The following AZIN2 variants were observed in gnomAD, a reference collection of about 807,000 sequenced individuals.
AZIN2 encodes the protein ODC antizyme inhibitor-2.
Under a neutral mutation model 47.8 loss-of-function variants are expected in AZIN2, and 28 were observed. The observed-to-expected ratio is 0.59, with a 90% CI of 0.43 to 0.80. The LOEUF (loss-of-function observed/expected upper bound fraction) is 0.80. Among genes scored for constraint, AZIN2 ranks in the 30% least tolerant of loss-of-function variants. The probability of loss-of-function intolerance (pLI) is 0.00; values close to 1 mark genes in which losing one functional copy is unlikely to be tolerated. For synonymous variants in AZIN2, 221 were observed against 239.4 expected (o/e 0.92, Z 0.71); for missense variants, 535 against 582.5 (o/e 0.92, Z 0.84).
At chr1:33,156,221 T>C in the AZIN2 span, among the ~76,000 whole-genome samples, 1 of 152,220 alleles carries the variant, frequency 6.6e-6, no homozygotes, top group Non-Finnish European at 1.5e-5. Flanking sequence ...CTCACAGATA[T>C]GCTGTATTTC....
intron 5 of AZIN2, among the ~76,000 whole-genome samples, chr1:33,090,206 G>C (rs1444393986): frequency 2.0e-5 from 3 of 152,228 alleles, no homozygotes; most frequent in African/African-American, 7.2e-5. Context: ...GAGAAGTTGT[G>C]ACAGAGACTG....
the AZIN2 span, among the ~76,000 whole-genome samples, chr1:33,144,252 C>T: frequency 2.0e-5 from 3 of 152,052 alleles, no homozygotes; most frequent in Admixed American, 2.0e-4. Flanking sequence ...ATTCTCCTGC[C>T]TCAGCCTCCC....
intron 4 of AZIN2, chr1:33,083,722 T>A: frequency 1.8e-6 from 1 of 569,202 alleles, no homozygotes; most frequent in Middle Eastern, 4.8e-4. Context: ...AGCCTACAGC[T>A]GGAGTTTTAG....
chr1:33,127,370 C>T (rs1359889164), downstream of AZIN2, among the ~76,000 whole-genome samples: 2 of 152,248 alleles, frequency 1.3e-5, no homozygotes, highest in African/African-American at 4.8e-5. Flanking sequence ...CGCCCTCTGG[C>T]GGCTGGGAGG....
At chr1:33,114,514 C>T (rs1199454082) in intron 10 of AZIN2, among the ~76,000 whole-genome samples, 5 of 151,034 alleles carry the variant, frequency 3.3e-5, no homozygotes, top group Admixed American at 6.6e-5. Context: ...CCACCATGCC[C>T]GGCTAATTTT....
At chr1:33,151,321 C>T in the AZIN2 span, among the ~76,000 whole-genome samples, 126 of 152,164 alleles carry the variant, frequency 8.3e-4, 2 homozygotes, top group African/African-American at 2.7e-3. Flanking sequence ...CTCTCTTAGG[C>T]GGGGGTGTGG....
chr1:33,125,538 C>G (rs1453803389), downstream of AZIN2, among the ~76,000 whole-genome samples: 4 of 152,204 alleles, frequency 2.6e-5, no homozygotes, highest in African/African-American at 9.6e-5. Context: ...ATCTTAAAGG[C>G]CTCGGCTTGA....
chr1:33,107,087 G>C (rs1644041819), intron 10 of AZIN2, among the ~76,000 whole-genome samples: 1 of 151,934 alleles, frequency 6.6e-6, no homozygotes, highest in Admixed American at 6.6e-5. Flanking sequence ...AGGAGTTCAA[G>C]ACCACCCTGG....
chr1:33,159,311 A>G, the AZIN2 span, among the ~76,000 whole-genome samples: 4 of 152,100 alleles, frequency 2.6e-5, no homozygotes, highest in African/African-American at 9.7e-5. This position sits in a 1 kb window ranked among gnomAD's most constrained non-coding sequence, Gnocchi z 4.2. Context: ...TGTAAACACT[A>G]TTAAATGCTA....
At chr1:33,109,495 G>T (rs1393646630) in intron 10 of AZIN2, among the ~76,000 whole-genome samples, 1 of 151,522 alleles carries the variant, frequency 6.6e-6, no homozygotes, top group African/African-American at 2.4e-5. Flanking sequence ...AGCCTGGCTA[G>T]TTTTTGTATT....
intron 10 of AZIN2, among the ~76,000 whole-genome samples, chr1:33,107,060 G>A (rs1644040228): frequency 1.3e-5 from 2 of 152,142 alleles, no homozygotes. Flanking sequence ...GCCAAGGCTG[G>A]TGGATCACTT....
intron 10 of AZIN2, among the ~76,000 whole-genome samples, chr1:33,104,239 T>C (rs1395974613): frequency 6.6e-6 from 1 of 152,214 alleles, no homozygotes; most frequent in Non-Finnish European, 1.5e-5. Context: ...TTTTTGTTTA[T>C]TGTTTTATTT....
At chr1:33,083,923 G>T in intron 4 of AZIN2, 31 bp from the exon 5 acceptor site, 2 of 1,612,756 alleles carry the variant, frequency 1.2e-6, no homozygotes, top group Non-Finnish European at 8.5e-7. Flanking sequence ...GCTGGATGGG[G>T]TCTCACATTC....
chr1:33,146,815 C>T, the AZIN2 span: 1 of 307,080 alleles, frequency 3.3e-6, no homozygotes, highest in East Asian at 7.4e-5. Context: ...AACTACTGGC[C>T]ATGCTCTGAC....
chr1:33,154,632 T>C, the AZIN2 span, among the ~76,000 whole-genome samples: 1 of 151,068 alleles, frequency 6.6e-6, no homozygotes, highest in African/African-American at 2.4e-5. Context: ...ACACCGTCTC[T>C]ACTAAAAATA....
rs533315230 is a variant in AZIN2, at chr1:33,098,421, T to TTA, written c.1029+246_1029+247dup. Among the ~76,000 whole-genome samples the TTA allele has an allele frequency of 2.0e-3, 310 of 152,294 alleles. 1 individual carries two copies. Among genetic ancestry groups the TTA allele is most frequent in the African/African-American group, 6.8e-3 (282 of 41,564 alleles). ...TTGTTTTGTAACCTGCTTTTTCCAT[T>TTA]TATATGGGGTGTAGCTCTTTCCATG... On this transcript the variant is annotated intron_variant, in intron 10 of 11. Coordinates refer to ENST00000294517, the MANE Select transcript of AZIN2 (RefSeq NM_052998.4).
intron 5 of AZIN2, among the ~76,000 whole-genome samples, chr1:33,089,541 G>A (rs374968329): frequency 6.6e-6 from 1 of 152,198 alleles, no homozygotes; most frequent in South Asian, 2.1e-4. Flanking sequence ...CACGTGGTGA[G>A]GCAGGGAACA....
At chr1:33,153,051 T>A in the AZIN2 span, among the ~76,000 whole-genome samples, 1 of 15,348 alleles carries the variant, frequency 6.5e-5, no homozygotes, top group African/African-American at 2.8e-4. Context: ...GGGTGGGAGG[T>A]GGGGGAGGGT....
chr1:33,137,276 G>A, the AZIN2 span, among the ~76,000 whole-genome samples: 39 of 152,284 alleles, frequency 2.6e-4, no homozygotes, highest in Middle Eastern at 0.01. Context: ...GCTCTGCCAC[G>A]TAAGCAGAAA....
Sources: gnomAD v4.1 joint callset for allele counts (sites outside exome capture counted in the v4.1 genomes callset) on GRCh38, gnomAD v4.1.1 for gene constraint, Gnocchi (gnomAD v3.1) non-coding constraint, MANE v1.5 for transcripts, NCBI Gene and HGNC (gene_info 2026-07-23, HGNC 2026-07-21) for gene names.